The following FGFR1 variants were observed in gnomAD, a reference collection of about 807,000 sequenced individuals.
The protein encoded by FGFR1 is FGFR1/PLAG1 fusion.
A neutral mutation model predicts 93.7 loss-of-function variants in FGFR1; 18 were observed. The observed-to-expected ratio is 0.19, with a 90% confidence interval of 0.13 to 0.28. The LOEUF is 0.28. Ranked by LOEUF, FGFR1 falls within the 10% of genes least tolerant of loss-of-function variation. The probability of loss-of-function intolerance (pLI) is 1.00; values close to 1 mark genes in which losing one functional copy is unlikely to be tolerated. For missense variants in FGFR1, 731 were observed against 1,080.4 expected (o/e 0.68, Z 4.53); for synonymous variants, 448 against 429.3 (o/e 1.04, Z -0.54).
intron 2 of FGFR1, among the ~76,000 whole-genome samples, chr8:38,450,413 A>AG (rs1830681566): frequency 6.6e-6 from 1 of 152,154 alleles, no homozygotes; most frequent in Non-Finnish European, 1.5e-5. Context: ...CGGAGGAACG[A>AG]GGCATTGTGA....
chr8:38,444,904 C>G (rs1282000808), intron 2 of FGFR1, among the ~76,000 whole-genome samples: 1 of 152,146 alleles, frequency 6.6e-6, no homozygotes, highest in East Asian at 1.9e-4. Flanking sequence ...GTCCCAAACT[C>G]AGCTTGAGCC....
At chr8:38,459,101 T>C (rs1833739040) in intron 1 of FGFR1, 1 of 228,410 alleles carries the variant, frequency 4.4e-6, no homozygotes, top group Non-Finnish European at 8.7e-6. Flanking sequence ...CCCCAGGGTC[T>C]TAAAGAACGG....
At chr8:38,417,058 CG>C (rs1161871166) in intron 12 of FGFR1, among the ~76,000 whole-genome samples, 1 of 152,204 alleles carries the variant, frequency 6.6e-6, no homozygotes, top group Non-Finnish European at 1.5e-5. Flanking sequence ...CCAGCCTGAG[CG>C]CTCTTAGACC....
At chr8:38,442,886 T>C (rs2151142411) in intron 2 of FGFR1, among the ~76,000 whole-genome samples, 1 of 152,338 alleles carries the variant, frequency 6.6e-6, no homozygotes, top group South Asian at 2.1e-4. Context: ...CCCAAGTGCC[T>C]GCCATATCCC....
At chr8:38,417,210 C>A in intron 12 of FGFR1, 96 bp downstream of exon 12, 2 of 959,310 alleles carry the variant, frequency 2.1e-6, no homozygotes, top group Non-Finnish European at 3.4e-6. Context: ...TCTTAACCCC[C>A]TTCCCTAGCT....
intron 8 of FGFR1, 157 bp downstream of exon 8, chr8:38,421,640 T>C: frequency 1.2e-6 from 1 of 800,178 alleles, no homozygotes; most frequent in South Asian, 1.4e-5. Context: ...GCTGAGAGGA[T>C]TCAGCCCTCA....
At chr8:38,417,249 C>A in intron 12 of FGFR1, 57 bp downstream of exon 12, 5 of 1,376,838 alleles carry the variant, frequency 3.6e-6, no homozygotes, top group Non-Finnish European at 5.2e-6. Flanking sequence ...GGGACTGATA[C>A]CCCAGCTCAG....
intron 2 of FGFR1, among the ~76,000 whole-genome samples, chr8:38,452,953 G>A (rs539610929): frequency 1.3e-5 from 2 of 152,276 alleles, no homozygotes; most frequent in East Asian, 3.9e-4. Context: ...CTCCAGCCTC[G>A]CGACAGAGTG....
At position 38,424,566 on chromosome 8, in the gene FGFR1, G is replaced by C; in HGVS notation, c.879C>G (p.Ile293Met). 1 of 1,614,184 alleles carries C rather than the reference G, an allele frequency of 6.2e-7. No homozygotes were observed. Among genetic ancestry groups the C allele is most frequent in the South Asian group, 1.1e-5 (1 of 91,082 alleles). ...PQPHIQWLKH[I>M]EVNGSKIGPD... ...GGCCAATCTTGCTCCCATTCACCTCGATGTGCTTTAGCCACTGGATGTGCG... is the reference window on the plus strand; with the variant it reads ...GGCCAATCTTGCTCCCATTCACCTCCATGTGCTTTAGCCACTGGATGTGCG... The change falls in exon 7 of 18, where the codon ATC becomes ATG. Residue 293 changes from isoleucine to methionine, a missense_variant. Ile to Met is a conservative substitution (Grantham distance 10, BLOSUM62 1). Around this residue, in one of 10 missense-constraint regions of FGFR1, gnomAD observed 109 missense variants for 249.4 expected, o/e 0.44. Transcript: ENST00000447712. This position sits in a 1 kb window ranked among gnomAD's most constrained non-coding sequence, Gnocchi z 4.3.
Position 38,459,257 on chromosome 8 carries a change from G to A in FGFR1, c.-88-1723C>T, listed in dbSNP as rs568930612. On this transcript the variant is annotated intron_variant, in intron 1 of 17. Coordinates refer to ENST00000447712, the MANE Select transcript of FGFR1 (RefSeq NM_023110.3). ...AGTTATTCAGAGAATCTACTTCCCC[G>A]GAACATGCCCTAATGTGGTACTTCA... Among the ~76,000 whole-genome samples the A allele has an allele frequency of 1.1e-4, 17 of 152,192 alleles. No individual in the cohort carries two copies. The East Asian group carries it at 2.7e-3, about 24-fold the overall frequency.
At position 38,468,587 on chromosome 8, in the gene FGFR1, C is replaced by T. The variant is rs1332388286; in HGVS notation, c.-695G>A. ...CCGGCTCCCGCTAGCTGCCGCCCGC[C>T]GCCGAGGACGCCGCGCCTGTGGCCG... is the stretch of plus-strand genomic sequence containing the variant. On this transcript the variant is annotated 5_prime_UTR_variant, in exon 1 of 18. Transcript: ENST00000447712. 13 of 229,324 alleles carry T rather than the reference C, an allele frequency of 5.7e-5. No homozygotes were observed. Among genetic ancestry groups the T allele is most frequent in the Admixed American group, 1.7e-4 (3 of 17,616 alleles). 14.2% of individuals were successfully genotyped at this position (229,324 alleles called of 1,614,324 possible).
chr8:38,427,557 G>A (rs1302828895), intron 5 of FGFR1, among the ~76,000 whole-genome samples: 1 of 152,192 alleles, frequency 6.6e-6, no homozygotes, highest in Non-Finnish European at 1.5e-5. Context: ...TAGGATTTTA[G>A]GCGTGAGCCA....
At chr8:38,454,971 TG>T (rs1233084986) in intron 2 of FGFR1, among the ~76,000 whole-genome samples, 1 of 144,448 alleles carries the variant, frequency 6.9e-6, no homozygotes, top group Non-Finnish European at 1.5e-5. Flanking sequence ...TTTCTTTTCT[TG>T]CTTTTTTTTT....
intron 2 of FGFR1, among the ~76,000 whole-genome samples, chr8:38,449,053 G>A (rs146706201): frequency 8.6e-4 from 130 of 151,980 alleles, no homozygotes; most frequent in African/African-American, 3.1e-3. Context: ...AGTGAGCCAT[G>A]ATCACTCCAC....
Position 38,426,017 on chromosome 8 carries a change from C to T in FGFR1, c.745+105G>A, listed in dbSNP as rs2150852970. 1 of 1,508,112 alleles carries T rather than the reference C, an allele frequency of 6.6e-7. No homozygotes were observed. The highest frequency in any genetic ancestry group is 9.2e-7 in the Non-Finnish European group (1 of 1,090,082). The allele number at this position is 1,508,112 out of a possible 1,614,324, so 93.4% of individuals were successfully genotyped here. ...GGTGACAAAGCCAAGAAGTGCCAATCGCTATCCTGACTCTGCCCCTAAGAA... is the reference window on the plus strand; with the variant it reads ...GGTGACAAAGCCAAGAAGTGCCAATTGCTATCCTGACTCTGCCCCTAAGAA... On this transcript the variant is annotated intron_variant, in intron 6 of 17. Transcript: ENST00000447712. The surrounding 1 kb of genome is among the most constrained non-coding windows in gnomAD (Gnocchi z 4.1).
chr8:38,415,770 A>G lies in FGFR1; in HGVS notation c.1854+100T>C, dbSNP rs183118559. ...GGCACACAGGGCCAGTGCTCAGTGC[A>G]TCCACAACGCCACCACAAGATGATA... On this transcript the variant is annotated intron_variant, in intron 13 of 17. Transcript: ENST00000447712. The G allele has an allele frequency of 4.2e-5, 50 of 1,202,948 alleles. No homozygotes were observed. The African/African-American group carries it at 6.0e-4, about 14-fold the overall frequency. The allele number at this position is 1,202,948 out of a possible 1,614,324, so 74.5% of individuals were successfully genotyped here.
chr8:38,413,872 G>A lies in FGFR1; in HGVS notation c.2292+46C>T, dbSNP rs769375368. On this transcript the variant is annotated intron_variant, in intron 17 of 17. Transcript: ENST00000447712. This position sits in a 1 kb window ranked among gnomAD's most constrained non-coding sequence, Gnocchi z 4.2. ...TCCCTGCTCAGGGAGGTGCGTGCACGCAGTGGGGACGGCCTGAGCTCTGGC... is the reference window on the plus strand; with the variant it reads ...TCCCTGCTCAGGGAGGTGCGTGCACACAGTGGGGACGGCCTGAGCTCTGGC... The A allele has an allele frequency of 7.4e-6, 12 of 1,613,072 alleles. No individual in the cohort carries two copies. The highest frequency in any genetic ancestry group is 2.2e-5 in the East Asian group (1 of 44,852).
Position 38,426,567 on chromosome 8 carries a change from C to CT in FGFR1, c.622-323dup, listed in dbSNP as rs1281402913. On this transcript the variant is annotated intron_variant, in intron 5 of 17. Transcript: ENST00000447712. This position sits in a 1 kb window ranked among gnomAD's most constrained non-coding sequence, Gnocchi z 4.1. ...CCAACTGTGCACCTCTCCTATTACACTAAGAATCCAGCCCCCACTGTCCTT... is the reference window on the plus strand; with the variant it reads ...CCAACTGTGCACCTCTCCTATTACACTTAAGAATCCAGCCCCCACTGTCCTT... 6.6e-6 allele frequency among the ~76,000 whole-genome samples: 1 copy of CT among 152,248 alleles called. No individual in the cohort carries two copies. Among genetic ancestry groups the CT allele is most frequent in the Admixed American group, 6.5e-5 (1 of 15,290 alleles).
At chr8:38,419,947 G>T (rs1021160722) in intron 8 of FGFR1, 13 of 583,976 alleles carry the variant, frequency 2.2e-5, no homozygotes, top group Admixed American at 1.5e-4. Flanking sequence ...CTTGAGCCAT[G>T]GAAAAGGGAT....
Sources: gnomAD v4.1 joint callset for allele counts (sites outside exome capture counted in the v4.1 genomes callset) on GRCh38, gnomAD v4.1.1 for gene constraint, gnomAD v4.1.1 regional missense constraint, Gnocchi (gnomAD v3.1) non-coding constraint, MANE v1.5 for transcripts, NCBI Gene and HGNC (gene_info 2026-07-23, HGNC 2026-07-21) for gene names.